FBXL17: variants seen among roughly 807,000 people sequenced by gnomAD.
FBXL17 encodes the protein F-box and leucine rich repeat protein 17.
A neutral mutation model predicts 66.2 loss-of-function variants in FBXL17; 22 were observed. The ratio of observed to expected loss-of-function variants is 0.33; its 90% confidence interval spans 0.24 to 0.47. The LOEUF (loss-of-function observed/expected upper bound fraction) is 0.47, where lower values mean the gene tolerates loss of function less well. FBXL17 is among the 20% of genes least tolerant of loss of function. The pLI is 1.00. For missense variants in FBXL17, 878 were observed against 948.2 expected (o/e 0.93, Z 0.97); for synonymous variants, 474 against 400.5 (o/e 1.18, Z -2.19).
chr5:108,325,265 G>C (rs992940985), intron 4 of FBXL17, among the ~76,000 whole-genome samples: 1 of 151,968 alleles, frequency 6.6e-6, no homozygotes, highest in Non-Finnish European at 1.5e-5. Flanking sequence ...AACTTGCCAC[G>C]TACCGCCATC....
At chr5:108,298,304 T>C (rs1008608328) in intron 4 of FBXL17, 1 of 984,726 alleles carries the variant, frequency 1.0e-6, no homozygotes, top group Non-Finnish European at 1.2e-6. Flanking sequence ...CTTCCAAACA[T>C]CTAAATAAAA....
chr5:108,010,281 C>T (rs1754125433), intron 7 of FBXL17, among the ~76,000 whole-genome samples: 1 of 152,116 alleles, frequency 6.6e-6, no homozygotes, highest in African/African-American at 2.4e-5. Flanking sequence ...TTGAGACAAA[C>T]AAAATCAGAA....
chr5:108,298,474 G>C, intron 4 of FBXL17: 9 of 970,218 alleles, frequency 9.3e-6, no homozygotes, highest in Non-Finnish European at 1.1e-5. Flanking sequence ...TTTACTGAAA[G>C]CATCTAAAGC....
intron 7 of FBXL17, among the ~76,000 whole-genome samples, chr5:107,969,759 C>T (rs1279257637): frequency 6.6e-6 from 1 of 152,094 alleles, no homozygotes; most frequent in Non-Finnish European, 1.5e-5. Context: ...TGATCTTCCC[C>T]TAAAGCATAC....
intron 4 of FBXL17, among the ~76,000 whole-genome samples, chr5:108,338,869 C>T (rs1008143301): frequency 6.6e-6 from 1 of 152,108 alleles, no homozygotes; most frequent in Non-Finnish European, 1.5e-5. Context: ...AGAAGACAAC[C>T]TACCTAATAT....
intron 4 of FBXL17, among the ~76,000 whole-genome samples, chr5:108,332,468 G>C (rs1025671948): frequency 3.9e-5 from 6 of 152,014 alleles, no homozygotes; most frequent in Non-Finnish European, 7.4e-5. Context: ...CAAATATTCA[G>C]ATTAAAAGAA....
chr5:108,306,182 CTGA>C (rs1280975861), intron 4 of FBXL17, among the ~76,000 whole-genome samples: 1 of 151,970 alleles, frequency 6.6e-6, no homozygotes, highest in African/African-American at 2.4e-5. Flanking sequence ...TGTGTACTTA[CTGA>C]TATTATAATT....
chr5:108,050,798 T>C (rs1485214841), intron 6 of FBXL17, among the ~76,000 whole-genome samples: 1 of 151,888 alleles, frequency 6.6e-6, no homozygotes, highest in Non-Finnish European at 1.5e-5. Flanking sequence ...ACAAAGTAGA[T>C]AGACTGCTAG....
intron 1 of FBXL17, 71 bp downstream of exon 1, chr5:108,380,628 G>A (rs1749780899): frequency 4.1e-6 from 4 of 987,560 alleles, no homozygotes; most frequent in Admixed American, 4.4e-5. Flanking sequence ...GGGGAGGAGA[G>A]AGAAAGCCTC....
At chr5:107,955,611 G>C (rs898185709) in intron 7 of FBXL17, among the ~76,000 whole-genome samples, 1 of 152,146 alleles carries the variant, frequency 6.6e-6, no homozygotes, top group African/African-American at 2.4e-5. Context: ...ACTTTAGTAA[G>C]TGTCACCAAC....
chr5:108,238,186 G>T (rs999231180), intron 4 of FBXL17, among the ~76,000 whole-genome samples: 3 of 152,184 alleles, frequency 2.0e-5, no homozygotes, highest in Non-Finnish European at 4.4e-5. Flanking sequence ...ACTTCGTATG[G>T]ATTCACTTTA....
chr5:108,192,617 C>A (rs1260760005), intron 5 of FBXL17, among the ~76,000 whole-genome samples: 1 of 152,034 alleles, frequency 6.6e-6, no homozygotes, highest in Non-Finnish European at 1.5e-5. Context: ...CGTGGTGAAA[C>A]CCTGTCTCTA....
intron 4 of FBXL17, among the ~76,000 whole-genome samples, chr5:108,268,865 G>A (rs1009857691): frequency 1.5e-4 from 23 of 151,996 alleles, no homozygotes; most frequent in Admixed American, 3.9e-4. Context: ...AGATCCACAG[G>A]AGAAAAGCTT....
chr5:108,251,741 G>A lies in FBXL17; in HGVS notation c.1507-27513C>T, dbSNP rs372138311. 2.3e-4 allele frequency among the ~76,000 whole-genome samples: 35 copies of A among 152,054 alleles called. No homozygotes were observed. The South Asian group carries it at 7.1e-3, about 31-fold the overall frequency. On this transcript the variant is annotated intron_variant, in intron 4 of 8. Transcript: ENST00000542267. ...TTTCTCCACATTATATAAACTCTTC[G>A]TAAAGCTCAATAATATTCCATCAAT...
intron 6 of FBXL17, among the ~76,000 whole-genome samples, chr5:108,076,447 G>A (rs1188567286): frequency 6.6e-6 from 1 of 152,034 alleles, no homozygotes; most frequent in African/African-American, 2.4e-5. Flanking sequence ...ATTATAATAA[G>A]TATATAAATT....
At chr5:108,226,309 G>C (rs920179210) in intron 4 of FBXL17, among the ~76,000 whole-genome samples, 1 of 152,218 alleles carries the variant, frequency 6.6e-6, no homozygotes, top group Admixed American at 6.5e-5. Context: ...CTGGCACTTA[G>C]TAGAAAATAT....
intron 5 of FBXL17, among the ~76,000 whole-genome samples, chr5:108,200,819 T>A (rs934561544): frequency 6.6e-6 from 1 of 152,080 alleles, no homozygotes; most frequent in Non-Finnish European, 1.5e-5. Flanking sequence ...ACAGCTTTTG[T>A]GTAAATGCCT....
chr5:108,009,288 T>TAGATAGATATATAG (rs1294587845), intron 7 of FBXL17, among the ~76,000 whole-genome samples: 1 of 28,756 alleles, frequency 3.5e-5, no homozygotes, highest in Non-Finnish European at 7.6e-5. Context: ...TATATATATA[T>TAGATAGATATATAG]ATATATATAT....
At chr5:108,133,236 T>C (rs1190916183) in intron 6 of FBXL17, among the ~76,000 whole-genome samples, 2 of 152,200 alleles carry the variant, frequency 1.3e-5, no homozygotes, top group African/African-American at 4.8e-5. Context: ...CTCCTCTTTA[T>C]CTTTTTCTAT....
Sources: allele counts gnomAD v4.1 joint callset (sites outside exome capture counted in the v4.1 genomes callset), GRCh38; gene constraint gnomAD v4.1.1; transcripts MANE v1.5; gene names NCBI Gene and HGNC (gene_info 2026-07-23, HGNC 2026-07-21).